EPB41L2: variants seen among roughly 807,000 people sequenced by gnomAD.
The protein encoded by EPB41L2 is band 4.1-like protein 2.
In EPB41L2, 43 loss-of-function variants were observed where a neutral mutation model predicts 113.0. The ratio of observed to expected loss-of-function variants is 0.38; its 90% confidence interval spans 0.30 to 0.49. The LOEUF (loss-of-function observed/expected upper bound fraction) is 0.49, where lower values mean the gene tolerates loss of function less well. Among genes scored for constraint, EPB41L2 ranks in the 20% least tolerant of loss-of-function variants. The probability of loss-of-function intolerance (pLI) is 0.95; values close to 1 mark genes in which losing one functional copy is unlikely to be tolerated. For synonymous variants in EPB41L2, 442 were observed against 436.7 expected (o/e 1.01, Z -0.15); for missense variants, 1,147 against 1,223.4 (o/e 0.94, Z 0.93).
intron 12 of EPB41L2, among the ~76,000 whole-genome samples, chr6:130,884,721 T>C (rs989705396): frequency 3.3e-5 from 5 of 152,328 alleles, no homozygotes; most frequent in South Asian, 2.1e-4. Context: ...TCTTTGGTGA[T>C]GTAAAAAAAT....
chr6:130,898,018 T>A lies in EPB41L2; in HGVS notation c.1236+1473A>T, dbSNP rs1795163261. On this transcript the variant is annotated intron_variant, in intron 8 of 19. Transcript: ENST00000337057. ...GACAGAAAAATCTTATAATAGTAAGTTAAAAAAAAAAAACTAACAAAAATG... is the reference window on the plus strand; with the variant it reads ...GACAGAAAAATCTTATAATAGTAAGATAAAAAAAAAAAACTAACAAAAATG... 2.7e-5 allele frequency among the ~76,000 whole-genome samples: 4 copies of A among 149,380 alleles called. No individual in the cohort carries two copies. The South Asian group carries it at 8.4e-4, about 31-fold the overall frequency.
intron 3 of EPB41L2, among the ~76,000 whole-genome samples, chr6:130,936,961 T>A (rs935904530): frequency 2.0e-5 from 3 of 152,242 alleles, no homozygotes; most frequent in African/African-American, 7.2e-5. Context: ...AACCTGGGCA[T>A]CTGTAACTTT....
intron 1 of EPB41L2, among the ~76,000 whole-genome samples, chr6:130,964,763 C>T (rs192765542): frequency 6.6e-6 from 1 of 152,212 alleles, no homozygotes; most frequent in African/African-American, 2.4e-5. Context: ...TGGCATGCAG[C>T]AACTCGAACC....
At chr6:130,934,763 G>A (rs991867081) in intron 3 of EPB41L2, among the ~76,000 whole-genome samples, 25 of 151,144 alleles carry the variant, frequency 1.7e-4, no homozygotes, top group Non-Finnish European at 3.1e-4. Context: ...TTACAGGTGT[G>A]AGCCACAGCA....
chr6:131,033,413 C>A (rs747861396), intron 1 of EPB41L2, among the ~76,000 whole-genome samples: 14 of 152,138 alleles, frequency 9.2e-5, no homozygotes, highest in Non-Finnish European at 2.1e-4. Flanking sequence ...TAAGAATTAC[C>A]ATATGACCTA....
intron 1 of EPB41L2, among the ~76,000 whole-genome samples, chr6:131,042,122 G>A (rs1794574188): frequency 6.6e-6 from 1 of 152,110 alleles, no homozygotes; most frequent in African/African-American, 2.4e-5. Flanking sequence ...GGTACGTGGG[G>A]ATTCATTATT....
chr6:130,878,732 C>G (rs1172155822), intron 13 of EPB41L2: 1 of 152,386 alleles, frequency 6.6e-6, no homozygotes, highest in Non-Finnish European at 1.5e-5. Context: ...CAGAAGCACA[C>G]TGGCTGGAAG....
intron 1 of EPB41L2, among the ~76,000 whole-genome samples, chr6:130,992,915 C>T (rs1782221559): frequency 6.6e-6 from 1 of 152,176 alleles, no homozygotes. Flanking sequence ...TGAGCCACCG[C>T]ACCCAGCCCC....
intron 1 of EPB41L2, among the ~76,000 whole-genome samples, chr6:131,061,523 T>C (rs182635069): frequency 6.6e-6 from 1 of 152,290 alleles, no homozygotes; most frequent in East Asian, 1.9e-4. Flanking sequence ...CAATTCAAGA[T>C]TGCATTGCAA....
At chr6:130,876,219 A>G (rs1787517600) in intron 14 of EPB41L2, among the ~76,000 whole-genome samples, 1 of 152,188 alleles carries the variant, frequency 6.6e-6, no homozygotes, top group African/African-American at 2.4e-5. Context: ...AGGGGCTGCT[A>G]TGGTGCATCA....
In EPB41L2 at chr6:130,885,221, C is replaced by A. The variant is rs377029691; in HGVS notation, c.1708G>T (p.Ala570Ser). The change falls in exon 12 of 20, where the codon GCT becomes TCT. Residue 570 changes from alanine (A) to serine (S), a missense_variant. Ala to Ser is a moderately conservative substitution (Grantham distance 99). Transcript: ENST00000337057. ...CCATAGGCTGAAATCTCCCCAGCAGCGCCAGGAAAATCCTTCATAAGACTT... is the reference window on the plus strand; with the variant it reads ...CCATAGGCTGAAATCTCCCCAGCAGAGCCAGGAAAATCCTTCATAAGACTT... ...DQSLMKDFPG[A>S]AGEISAYGPG... 1 of 1,614,100 alleles carries A rather than the reference C, an allele frequency of 6.2e-7. No individual in the cohort carries two copies. The highest frequency in any genetic ancestry group is 1.7e-5 in the Admixed American group (1 of 60,016).
Position 130,865,558 on chromosome 6 carries a change from G to A in EPB41L2, c.2807C>T (p.Thr936Met), listed in dbSNP as rs199859070. 1.5e-5 allele frequency: 25 copies of A among 1,614,126 alleles called. No individual in the cohort carries two copies. Among genetic ancestry groups the A allele is most frequent in the Admixed American group, 3.3e-5 (2 of 60,018 alleles). Residue 936 changes from threonine to methionine, a missense_variant, in exon 17 of 20, where the codon ACG becomes ATG. Thr to Met is a moderately conservative substitution (Grantham distance 81, BLOSUM62 -1). Transcript: ENST00000337057. ...TACCTTGGTGATGTGTGTGGTTGTCGTTGTTGACACGGACTCAGATGTGAT... is the reference window on the plus strand; with the variant it reads ...TACCTTGGTGATGTGTGTGGTTGTCATTGTTGACACGGACTCAGATGTGAT... ...QTITSESVSTTTTTHITKTVK... is the reference protein window; with the variant it reads ...QTITSESVSTMTTTHITKTVK...
At chr6:130,910,356 T>C (rs939862075) in intron 4 of EPB41L2, among the ~76,000 whole-genome samples, 3 of 152,218 alleles carry the variant, frequency 2.0e-5, no homozygotes, top group African/African-American at 7.2e-5. Flanking sequence ...ACTCCTTCCT[T>C]ACACCTTATA....
chr6:130,996,805 T>C (rs1454677459), intron 1 of EPB41L2, among the ~76,000 whole-genome samples: 1 of 152,234 alleles, frequency 6.6e-6, no homozygotes, highest in African/African-American at 2.4e-5. Context: ...ATTCCTGAAA[T>C]GTGGGTACCT....
Position 130,890,337 on chromosome 6 carries a change from A to C in EPB41L2, c.1617T>G (p.Phe539Leu). 1 of 1,613,730 alleles carries C rather than the reference A, an allele frequency of 6.2e-7. No homozygotes were observed. Among genetic ancestry groups the C allele is most frequent in the East Asian group, 2.2e-5 (1 of 44,866 alleles). Residue 539 changes from phenylalanine (F) to leucine (L), a missense_variant, in exon 11 of 20, where the codon TTT (phenylalanine) becomes TTG (leucine). Phe to Leu is a conservative substitution (Grantham distance 22, BLOSUM62 0). Transcript: ENST00000337057. ...AGACCCGTTTACTAGAAGTGCGCTC[A>C]AAGTGTGGTGCTGGCCTATCTATGA... ...STLIDRPAPH[F>L]ERTSSKRVSR...
chr6:130,846,654 A>C (rs1460214087), intron 19 of EPB41L2, among the ~76,000 whole-genome samples: 1 of 152,148 alleles, frequency 6.6e-6, no homozygotes, highest in Non-Finnish European at 1.5e-5. Context: ...CCACCTTCTT[A>C]GGAGGCTCTT....
Position 130,869,680 on chromosome 6 carries a change from G to C in EPB41L2, c.2490C>G (p.His830Gln), listed in dbSNP as rs745805908. The C allele has an allele frequency of 6.8e-6, 11 of 1,614,086 alleles. No homozygotes were observed. The Admixed American group carries it at 1.0e-4, about 15-fold the overall frequency. Residue 830 changes from histidine (H) to glutamine (Q), a missense_variant, in exon 15 of 20, where the codon CAC becomes CAG. Physicochemically the swap from His to Gln is conservative, Grantham distance 24. Coordinates refer to ENST00000337057, the MANE Select transcript of EPB41L2 (RefSeq NM_001431.4). ...CCATGTCTTGCTTAAGAGCGCCTTC[G>C]TGTACACTCTTCTCTCCGGGTATCT... ...AQKIPGEKSV[H>Q]EGALKQDMGE... is the part of the protein sequence containing the mutation.
intron 1 of EPB41L2, among the ~76,000 whole-genome samples, chr6:131,003,841 C>T (rs1388526615): frequency 2.0e-5 from 3 of 152,172 alleles, no homozygotes; most frequent in Non-Finnish European, 4.4e-5. Flanking sequence ...AATAATTTGG[C>T]ACCTGTGGAG....
At chr6:130,861,416 A>G (rs890444902) in intron 18 of EPB41L2, among the ~76,000 whole-genome samples, 1 of 152,200 alleles carries the variant, frequency 6.6e-6, no homozygotes, top group Non-Finnish European at 1.5e-5. Flanking sequence ...AAAGATGTCA[A>G]TGTTATGAAG....
Sources: allele counts gnomAD v4.1 joint callset (sites outside exome capture counted in the v4.1 genomes callset), GRCh38; gene constraint gnomAD v4.1.1; transcripts MANE v1.5; gene names NCBI Gene and HGNC (gene_info 2026-07-23, HGNC 2026-07-21).